PRKAG2: variants seen among roughly 807,000 people sequenced by gnomAD.
PRKAG2 encodes protein kinase AMP-activated non-catalytic subunit gamma 2.
PRKAG2 carries 26 observed loss-of-function variants against 69.6 expected under a neutral mutation model. The ratio of observed to expected loss-of-function variants is 0.37; its 90% CI spans 0.27 to 0.52. The LOEUF (loss-of-function observed/expected upper bound fraction) is 0.52. Among genes scored for constraint, PRKAG2 ranks in the 20% least tolerant of loss-of-function variants. The probability of loss-of-function intolerance (pLI) is 0.90; values close to 1 mark genes in which losing one functional copy is unlikely to be tolerated. For missense variants in PRKAG2, 557 were observed against 740.0 expected, an observed-to-expected ratio of 0.75 and a Z score of 2.87; for synonymous variants, 293 against 285.0, an observed-to-expected ratio of 1.03 and a Z score of -0.28.
At chr7:151,558,748 A>G (rs1217229548) in intron 15 of PRKAG2, 1 of 985,312 alleles carries the variant, frequency 1.0e-6, no homozygotes, top group Non-Finnish European at 1.2e-6. Context: ...GGTAACATAC[A>G]TTCCAAATTC....
intron 1 of PRKAG2, among the ~76,000 whole-genome samples, chr7:151,865,836 G>A (rs536879761): frequency 3.0e-4 from 46 of 152,142 alleles, no homozygotes; most frequent in South Asian, 2.5e-3. Context: ...TGGCTAACAC[G>A]GTGAAACCCC....
intron 5 of PRKAG2, among the ~76,000 whole-genome samples, chr7:151,631,482 A>C (rs1272960122): frequency 6.6e-6 from 1 of 152,108 alleles, no homozygotes; most frequent in East Asian, 1.9e-4. Flanking sequence ...TGTAAGATAC[A>C]AGAAGAAGAC....
chr7:151,594,660 T>C (rs535729972), intron 6 of PRKAG2, among the ~76,000 whole-genome samples: 78 of 152,338 alleles, frequency 5.1e-4, no homozygotes, highest in South Asian at 3.3e-3. Flanking sequence ...CATGAGGATA[T>C]ACTGAGCGAG....
chr7:151,851,874 C>T (rs560403391), intron 1 of PRKAG2, among the ~76,000 whole-genome samples: 87 of 152,306 alleles, frequency 5.7e-4, no homozygotes, highest in African/African-American at 1.9e-3. Flanking sequence ...GACTCAACTT[C>T]CCCAGGGGAG....
chr7:151,818,480 C>T (rs994168764), intron 1 of PRKAG2, among the ~76,000 whole-genome samples: 5 of 152,378 alleles, frequency 3.3e-5, no homozygotes, highest in Non-Finnish European at 7.3e-5. Context: ...CACCACTGCA[C>T]CCCAGAACCC....
intron 3 of PRKAG2, 54 bp from the exon 4 acceptor site, chr7:151,675,691 CG>C: frequency 1.3e-6 from 2 of 1,521,702 alleles, no homozygotes; most frequent in Non-Finnish European, 1.8e-6. Context: ...GAAGGGACGT[CG>C]GGGGTGGTCA....
intron 1 of PRKAG2, among the ~76,000 whole-genome samples, chr7:151,856,610 C>G: frequency 6.6e-6 from 1 of 152,204 alleles, no homozygotes. Context: ...ATACTAGGAA[C>G]AGGCAGAGTT....
At chr7:151,868,988 G>A (rs2080148378) in intron 1 of PRKAG2, among the ~76,000 whole-genome samples, 1 of 152,204 alleles carries the variant, frequency 6.6e-6, no homozygotes, top group African/African-American at 2.4e-5. Context: ...CAAATAAAAA[G>A]TGCTTCCAAA....
chr7:151,613,115 C>A (rs769421277), intron 5 of PRKAG2, among the ~76,000 whole-genome samples: 1 of 152,182 alleles, frequency 6.6e-6, no homozygotes, highest in Non-Finnish European at 1.5e-5. Flanking sequence ...GAGCTACCTG[C>A]GGCACTCTAA....
intron 5 of PRKAG2, among the ~76,000 whole-genome samples, chr7:151,617,847 C>T (rs73730225): frequency 0.04 from 6,139 of 152,024 alleles, 408 homozygotes; most frequent in African/African-American, 0.14. Flanking sequence ...CATTATAATT[C>T]CACAAAAAAT....
intron 5 of PRKAG2, among the ~76,000 whole-genome samples, chr7:151,630,321 C>T: frequency 6.6e-6 from 1 of 152,160 alleles, no homozygotes; most frequent in East Asian, 1.9e-4. Flanking sequence ...GACACCAAAT[C>T]TGTGTTGAGA....
intron 3 of PRKAG2, among the ~76,000 whole-genome samples, chr7:151,776,790 T>C (rs949716682): frequency 3.3e-5 from 5 of 152,192 alleles, no homozygotes; most frequent in African/African-American, 4.8e-5. Flanking sequence ...GAGAGGTAGC[T>C]GAGGGGCTCA....
At chr7:151,633,841 T>C (rs533338026) in intron 4 of PRKAG2, among the ~76,000 whole-genome samples, 20 of 152,306 alleles carry the variant, frequency 1.3e-4, no homozygotes, top group Non-Finnish European at 2.5e-4. Context: ...TTTAATGCAA[T>C]TGCTACCAAA....
At chr7:151,647,708 G>C (rs1268309471) in intron 4 of PRKAG2, among the ~76,000 whole-genome samples, 1 of 152,186 alleles carries the variant, frequency 6.6e-6, no homozygotes. Flanking sequence ...CACTGGGAGT[G>C]AAAGGAATGG....
chr7:151,791,342 T>C (rs1300201618), intron 1 of PRKAG2, among the ~76,000 whole-genome samples: 1 of 152,228 alleles, frequency 6.6e-6, no homozygotes. Context: ...CCCAGGCTCC[T>C]GGATGTGCCC....
Position 151,788,408 on chromosome 7 carries a change from G to C in PRKAG2, c.115-1867C>G, listed in dbSNP as rs185186389. 6.6e-6 allele frequency among the ~76,000 whole-genome samples: 1 copy of C among 152,280 alleles called. No homozygotes were observed. Among genetic ancestry groups the C allele is most frequent in the Admixed American group, 6.5e-5 (1 of 15,296 alleles). ...ATCGGCCACTTGTCTATCATCTTTG[G>C]AGAAATGTCTATTCAGGCCATTTGT... On this transcript the variant is annotated intron_variant, in intron 1 of 15. Transcript: ENST00000287878. This position sits in a 1 kb window ranked among gnomAD's most constrained non-coding sequence, Gnocchi z 4.6.
intron 3 of PRKAG2, among the ~76,000 whole-genome samples, chr7:151,714,759 G>A (rs1795891278): frequency 6.6e-6 from 1 of 151,812 alleles, no homozygotes; most frequent in Non-Finnish European, 1.5e-5. Flanking sequence ...AGACCAGCCT[G>A]GACAACATGG....
chr7:151,638,000 G>A (rs1163255080), intron 4 of PRKAG2, among the ~76,000 whole-genome samples: 2 of 152,256 alleles, frequency 1.3e-5, no homozygotes, highest in Admixed American at 6.5e-5. Context: ...GAAGGGGCGT[G>A]CACTTGTGAC....
intron 4 of PRKAG2, among the ~76,000 whole-genome samples, chr7:151,674,063 G>A (rs1376610023): frequency 6.6e-6 from 1 of 152,028 alleles, no homozygotes; most frequent in African/African-American, 2.4e-5. Context: ...GGCTGGTCTG[G>A]AACTCCTGGC....
Sources: allele counts gnomAD v4.1 joint callset (sites outside exome capture counted in the v4.1 genomes callset), GRCh38; gene constraint gnomAD v4.1.1; non-coding constraint Gnocchi (gnomAD v3.1); transcripts MANE v1.5; gene names NCBI Gene and HGNC (gene_info 2026-07-23, HGNC 2026-07-21).